Variants in SNTG2 observed in about 807,000 individuals in gnomAD.
SNTG2 encodes gamma-2-syntrophin.
SNTG2 carries 74 observed loss-of-function variants against 70.9 expected under a neutral mutation model. The ratio of observed to expected loss-of-function variants is 1.04; its 90% CI spans 0.86 to 1.27. SNTG2 has a LOEUF of 1.27. Ranked by LOEUF, SNTG2 falls within the 50% of genes most tolerant of loss-of-function variation. The pLI, the probability that SNTG2 is intolerant of heterozygous loss-of-function variation, is 0.00. For missense variants in SNTG2, 717 were observed against 690.7 expected (o/e 1.04, Z -0.43); for synonymous variants, 278 against 273.8 (o/e 1.02, Z -0.15).
At chr2:1,165,081 C>G (rs539592746) in intron 6 of SNTG2, among the ~76,000 whole-genome samples, 4 of 152,220 alleles carry the variant, frequency 2.6e-5, no homozygotes, top group Non-Finnish European at 4.4e-5. Context: ...GAGCTAAGTT[C>G]CATCCTTTTG....
intron 8 of SNTG2, among the ~76,000 whole-genome samples, chr2:1,174,269 G>T (rs1277476797): frequency 6.9e-6 from 1 of 144,796 alleles, no homozygotes; most frequent in African/African-American, 2.7e-5. Flanking sequence ...TCATTTTCTT[G>T]ATTGAAAAAA....
At chr2:1,180,307 C>T (rs1260981698) in intron 8 of SNTG2, among the ~76,000 whole-genome samples, 8 of 136,338 alleles carry the variant, frequency 5.9e-5, no homozygotes, top group Non-Finnish European at 9.4e-5. Context: ...AAAATTTTTG[C>T]AACCTACTCA....
At chr2:1,171,701 T>C (rs1296556243) in intron 7 of SNTG2, among the ~76,000 whole-genome samples, 1 of 152,210 alleles carries the variant, frequency 6.6e-6, no homozygotes, top group Admixed American at 6.5e-5. Flanking sequence ...GCAATTCTTA[T>C]TTCCCCCAGA....
At chr2:1,318,344 G>A (rs1444561970) in intron 16 of SNTG2, among the ~76,000 whole-genome samples, 5 of 152,180 alleles carry the variant, frequency 3.3e-5, no homozygotes, top group African/African-American at 7.2e-5. Flanking sequence ...ATTTTTATAC[G>A]TGAAAGTTTA....
intron 1 of SNTG2, among the ~76,000 whole-genome samples, chr2:957,724 CTG>C (rs1660214809): frequency 6.6e-6 from 1 of 152,010 alleles, no homozygotes; most frequent in African/African-American, 2.4e-5. Context: ...GAGACTGAGA[CTG>C]AGACTGAGAC....
Position 1,367,462 on chromosome 2 carries a change from G to A in SNTG2, c.1608G>A (p.Met536Ile). 1 of 1,550,352 alleles carries A rather than the reference G, an allele frequency of 6.5e-7. No homozygotes were observed. The highest frequency in any genetic ancestry group is 8.7e-7 in the Non-Finnish European group (1 of 1,146,700). Residue 536 changes from methionine (M) to isoleucine (I), a missense_variant, in exon 17 of 17, where the codon ATG becomes ATA. Met to Ile is a conservative substitution (Grantham distance 10, BLOSUM62 1). Transcript: ENST00000308624. ...MDSQSLARKY[M>I]YSS ...GTCAGAGTCTTGCCAGAAAATACAT[G>A]TACAGCAGCTAAAGGTTGTTTCTGT... is the stretch of plus-strand genomic sequence containing the variant.
intron 9 of SNTG2, among the ~76,000 whole-genome samples, chr2:1,222,139 C>CTCTCTGTCTCTCTCTGTCTCTCTCTG (rs1675248936): frequency 3.7e-4 from 43 of 116,106 alleles, no homozygotes; most frequent in South Asian, 1.1e-3. Flanking sequence ...CTCTCTGTCT[C>CTCTCTGTCTCTCTCTGTCTCTCTCTG]TCTCTGTCTC....
chr2:1,296,892 A>AT (rs1257267420), intron 14 of SNTG2, among the ~76,000 whole-genome samples: 2 of 152,192 alleles, frequency 1.3e-5, no homozygotes, highest in Non-Finnish European at 2.9e-5. Flanking sequence ...AGCAATGCCC[A>AT]TTTTTTGCCC....
chr2:1,165,629 C>A lies in SNTG2; in HGVS notation c.493C>A (p.Pro165Thr). Residue 165 changes from proline to threonine, a missense_variant, in exon 7 of 17, where the codon CCG becomes ACG. Transcript: ENST00000308624. ...LREAPAFLKLPLGSPGPSSDH... is the reference protein window; with the variant it reads ...LREAPAFLKLTLGSPGPSSDH... ...GGAAGCGCCGGCATTTCTGAAGCTCCCGTTAGGTAAGTGGGAAGAGGAGAA... is the reference window on the plus strand; with the variant it reads ...GGAAGCGCCGGCATTTCTGAAGCTCACGTTAGGTAAGTGGGAAGAGGAGAA... The A allele has an allele frequency of 6.2e-7, 1 of 1,611,526 alleles. No individual in the cohort carries two copies. The highest frequency in any genetic ancestry group is 8.5e-7 in the Non-Finnish European group (1 of 1,179,070).
intron 14 of SNTG2, among the ~76,000 whole-genome samples, chr2:1,306,709 T>TGTGTGTGC (rs1298537166): frequency 1.1e-4 from 16 of 150,366 alleles, no homozygotes; most frequent in African/African-American, 3.7e-4. Flanking sequence ...TGTGTGTGTG[T>TGTGTGTGC]GCCATGCACT....
intron 2 of SNTG2, among the ~76,000 whole-genome samples, chr2:1,092,528 T>C (rs113070845): frequency 4.2e-4 from 64 of 152,384 alleles, no homozygotes; most frequent in African/African-American, 1.4e-3. Flanking sequence ...ATTGAAATCT[T>C]TCTGGAAACT....
At chr2:1,136,174 A>G (rs1244310728) in intron 4 of SNTG2, among the ~76,000 whole-genome samples, 26 of 152,160 alleles carry the variant, frequency 1.7e-4, no homozygotes, top group Admixed American at 1.6e-3. Context: ...CTTAAAATTT[A>G]GGTTTGTAAT....
At chr2:1,082,175 C>G (rs1464152452) in intron 1 of SNTG2, among the ~76,000 whole-genome samples, 1 of 152,158 alleles carries the variant, frequency 6.6e-6, no homozygotes, top group Admixed American at 6.5e-5. Context: ...GGAAACAAGC[C>G]CAACAAGCCC....
intron 6 of SNTG2, among the ~76,000 whole-genome samples, chr2:1,159,975 A>G (rs1670163392): frequency 6.6e-6 from 1 of 152,218 alleles, no homozygotes; most frequent in Admixed American, 6.5e-5. Context: ...AAAACGGAAC[A>G]CTGCGTCCGT....
At position 1,173,853 on chromosome 2, in the gene SNTG2, G is replaced by A. The variant is rs573624065; in HGVS notation, c.591+670G>A. ...TCCCGCAGGGTGACCTGTGAGCTGC[G>A]CCCCTTGGGGAATTCATCATCCACA... On this transcript the variant is annotated intron_variant, in intron 8 of 16. Transcript: ENST00000308624. 7.2e-5 allele frequency among the ~76,000 whole-genome samples: 11 copies of A among 152,384 alleles called. No homozygotes were observed. In the East Asian group the frequency reaches 1.4e-3, roughly 19 times the overall value.
chr2:1,223,530 A>G (rs1319288384), intron 9 of SNTG2, among the ~76,000 whole-genome samples: 1 of 152,240 alleles, frequency 6.6e-6, no homozygotes, highest in Non-Finnish European at 1.5e-5. Context: ...AGCTGTGGCC[A>G]GAGTCATTTT....
chr2:1,116,558 T>A (rs993298413), intron 4 of SNTG2, among the ~76,000 whole-genome samples: 1 of 140,432 alleles, frequency 7.1e-6, no homozygotes, highest in Non-Finnish European at 1.5e-5. Flanking sequence ...GTGTGGGTGC[T>A]CTGGTATGTG....
chr2:1,304,047 T>C (rs11211657), intron 14 of SNTG2, among the ~76,000 whole-genome samples: 67,663 of 152,044 alleles, frequency 0.45, 15,555 homozygotes, highest in East Asian at 0.58. Context: ...CAATATCTTC[T>C]CTATAATATC....
chr2:996,284 G>A (rs60112918), intron 1 of SNTG2, among the ~76,000 whole-genome samples: 13,169 of 152,106 alleles, frequency 0.087, 758 homozygotes, highest in South Asian at 0.21. Flanking sequence ...TTACCTTTCT[G>A]GCAACTTCGA....
Sources: gnomAD v4.1 joint callset for allele counts (sites outside exome capture counted in the v4.1 genomes callset) on GRCh38, gnomAD v4.1.1 for gene constraint, MANE v1.5 for transcripts, NCBI Gene and HGNC (gene_info 2026-07-23, HGNC 2026-07-21) for gene names.